The following BMPER variants were observed in gnomAD, a reference collection of about 807,000 sequenced individuals.
The protein encoded by BMPER is BMP-binding endothelial regulator protein.
In BMPER, 45 loss-of-function variants were observed where a neutral mutation model predicts 87.3. The observed-to-expected ratio is 0.52, with a 90% CI of 0.41 to 0.66. BMPER has a LOEUF of 0.66. Ranked by LOEUF, BMPER falls within the 30% of genes least tolerant of loss-of-function variation. BMPER has a pLI of 0.00. For missense variants in BMPER, 784 were observed against 867.5 expected, an observed-to-expected ratio of 0.90 and a Z score of 1.21; for synonymous variants, 326 against 316.2, an observed-to-expected ratio of 1.03 and a Z score of -0.33.
In BMPER at chr7:34,115,115, G is replaced by A. The variant is rs559989224; in HGVS notation, c.1746-28115G>A. 4.9e-4 allele frequency among the ~76,000 whole-genome samples: 75 copies of A among 152,300 alleles called. 2 individuals are homozygous for A. The South Asian group carries it at 0.015, about 30-fold the overall frequency. On this transcript the variant is annotated intron_variant, in intron 13 of 14. Coordinates refer to ENST00000649409, the MANE Select transcript of BMPER (RefSeq NM_001365308.1). ...TGGCTTTAAACTTGGTGCTTCAGGG[G>A]TTACAAAGCTGAAGTAGATATCTTC...
At chr7:34,031,522 G>T (rs1250827882) in intron 6 of BMPER, among the ~76,000 whole-genome samples, 1 of 151,956 alleles carries the variant, frequency 6.6e-6, no homozygotes, top group African/African-American at 2.4e-5. Flanking sequence ...CTACCCATGT[G>T]TTCTTGGTGC....
intron 13 of BMPER, among the ~76,000 whole-genome samples, chr7:34,117,411 G>A (rs1471978432): frequency 6.6e-6 from 1 of 152,096 alleles, no homozygotes; most frequent in Non-Finnish European, 1.5e-5. Flanking sequence ...CTGTCAGGAG[G>A]ATATATCAGG....
At chr7:34,105,656 T>C (rs1168240922) in intron 13 of BMPER, among the ~76,000 whole-genome samples, 1 of 152,212 alleles carries the variant, frequency 6.6e-6, no homozygotes, top group Non-Finnish European at 1.5e-5. Context: ...GACAGTTTAA[T>C]GTACAAGTGT....
chr7:34,136,252 TG>T (rs1314142703), intron 13 of BMPER, among the ~76,000 whole-genome samples: 1 of 152,172 alleles, frequency 6.6e-6, no homozygotes, highest in Non-Finnish European at 1.5e-5. Context: ...TTGAAGCTTC[TG>T]GCCGTGTTTT....
chr7:34,132,040 G>A (rs1396188057), intron 13 of BMPER, among the ~76,000 whole-genome samples: 1 of 152,118 alleles, frequency 6.6e-6, no homozygotes, highest in Non-Finnish European at 1.5e-5. Context: ...GATTAGGCAA[G>A]GAAAGGAGAA....
intron 13 of BMPER, among the ~76,000 whole-genome samples, chr7:34,142,727 T>C: frequency 6.6e-6 from 1 of 152,228 alleles, no homozygotes; most frequent in East Asian, 1.9e-4. Context: ...CATGGGATTT[T>C]GTGTTTTCAT....
At chr7:33,982,842 C>T (rs1785900740) in intron 6 of BMPER, among the ~76,000 whole-genome samples, 1 of 152,156 alleles carries the variant, frequency 6.6e-6, no homozygotes, top group South Asian at 2.1e-4. Flanking sequence ...AGTCATTGAT[C>T]ATTACCTAGA....
intron 13 of BMPER, among the ~76,000 whole-genome samples, chr7:34,094,392 A>G (rs2127980342): frequency 6.6e-6 from 1 of 152,170 alleles, no homozygotes; most frequent in East Asian, 1.9e-4. Context: ...GGGGTGGCCG[A>G]TTTTGAGGTA....
At chr7:34,108,262 T>A (rs1488237043) in intron 13 of BMPER, among the ~76,000 whole-genome samples, 1 of 152,212 alleles carries the variant, frequency 6.6e-6, no homozygotes, top group East Asian at 1.9e-4. Flanking sequence ...GTTGTACACT[T>A]CTGTTTTTTT....
intron 10 of BMPER, among the ~76,000 whole-genome samples, chr7:34,060,302 T>C (rs1256597972): frequency 6.6e-6 from 1 of 152,040 alleles, no homozygotes; most frequent in African/African-American, 2.4e-5. Flanking sequence ...GTCTTGGCTT[T>C]AAGGTGGCTC....
chr7:33,931,228 C>T (rs990025132), intron 2 of BMPER, among the ~76,000 whole-genome samples: 7 of 152,208 alleles, frequency 4.6e-5, no homozygotes, highest in African/African-American at 9.6e-5. Flanking sequence ...AAAGTCTCAA[C>T]AGCCTATTGG....
At chr7:34,063,379 ATGTGTGTGTGTG>A (rs10537332) in intron 11 of BMPER, among the ~76,000 whole-genome samples, 11,075 of 149,018 alleles carry the variant, frequency 0.074, 606 homozygotes, top group African/African-American at 0.15. Context: ...GGGTCACTAT[ATGTGTGTGTGTG>A]TGTGTGTGTG....
chr7:34,081,581 A>G (rs1354714537), intron 12 of BMPER, among the ~76,000 whole-genome samples: 1 of 152,244 alleles, frequency 6.6e-6, no homozygotes, highest in African/African-American at 2.4e-5. Flanking sequence ...AGCATTGTCC[A>G]CTTCCACCAC....
At chr7:34,049,917 T>C (rs1303098681) in intron 7 of BMPER, among the ~76,000 whole-genome samples, 2 of 152,186 alleles carry the variant, frequency 1.3e-5, no homozygotes, top group African/African-American at 4.8e-5. Context: ...TGCTCATTCA[T>C]ATTTCTTATT....
At chr7:34,076,767 A>G (rs1455103702) in intron 11 of BMPER, among the ~76,000 whole-genome samples, 1 of 152,168 alleles carries the variant, frequency 6.6e-6, no homozygotes, top group Non-Finnish European at 1.5e-5. Flanking sequence ...TCCCTGGTAC[A>G]AGGAGAAGAT....
chr7:33,988,583 C>T (rs140144619), intron 6 of BMPER, among the ~76,000 whole-genome samples: 19 of 152,022 alleles, frequency 1.2e-4, no homozygotes, highest in African/African-American at 4.6e-4. Flanking sequence ...AGGAAAAATG[C>T]AGTGAAGTGT....
intron 13 of BMPER, among the ~76,000 whole-genome samples, chr7:34,091,591 A>G (rs1585824227): frequency 6.6e-6 from 1 of 152,336 alleles, no homozygotes; most frequent in South Asian, 2.1e-4. Flanking sequence ...CACCGTGTCT[A>G]CAAACACAAT....
At position 33,937,405 on chromosome 7, in the gene BMPER, C is replaced by T. The variant is rs200556531; in HGVS notation, c.319+17C>T. 80 of 1,608,776 alleles carry T rather than the reference C, an allele frequency of 5.0e-5. 1 individual carries two copies. The East Asian group carries it at 1.8e-3, about 35-fold the overall frequency. On this transcript the variant is annotated intron_variant, in intron 3 of 14. Transcript: ENST00000649409. The stretch of plus-strand genomic sequence containing the variant: ...AGTGCAAAGGTGATTGATGTCTTGG[C>T]CGTCTTCTCTTCTGGCTGCTGCTTC...
At chr7:33,922,211 G>T (rs186481935) in intron 2 of BMPER, among the ~76,000 whole-genome samples, 67 of 151,914 alleles carry the variant, frequency 4.4e-4, no homozygotes, top group South Asian at 8.3e-4. Context: ...TATTTTTTTT[G>T]AATTAGCCTG....
Sources: gnomAD v4.1 joint callset for allele counts (sites outside exome capture counted in the v4.1 genomes callset) on GRCh38, gnomAD v4.1.1 for gene constraint, MANE v1.5 for transcripts, NCBI Gene and HGNC (gene_info 2026-07-23, HGNC 2026-07-21) for gene names.